RAB11FIP4: variants seen among roughly 807,000 people sequenced by gnomAD.
RAB11FIP4 encodes RAB11 family interacting protein 4, also known as rab11 family-interacting protein 4.
Under a neutral mutation model 74.3 loss-of-function variants are expected in RAB11FIP4, and 23 were observed. The observed-to-expected ratio is 0.31, with a 90% CI of 0.22 to 0.44. RAB11FIP4 has a LOEUF of 0.44. RAB11FIP4 is among the 20% of genes least tolerant of loss of function. The pLI is 1.00. For synonymous variants in RAB11FIP4, 360 were observed against 359.9 expected (o/e 1.00, Z 0.00); for missense variants, 630 against 863.9 (o/e 0.73, Z 3.39).
chr17:31,457,814 C>T (rs2071593384), intron 3 of RAB11FIP4, among the ~76,000 whole-genome samples: 1 of 152,034 alleles, frequency 6.6e-6, no homozygotes, highest in Non-Finnish European at 1.5e-5. Flanking sequence ...GCATGTGTGC[C>T]TCCCTCTCCG....
rs534128419 is a variant in RAB11FIP4, at chr17:31,406,576, G to C, written c.159+14565G>C. On this transcript the variant is annotated intron_variant, in intron 1 of 14. Transcript: ENST00000621161. Reference sequence around the variant, plus strand: ...ATTTGTTTCTGCCAGTTTGATAGGTGTGTAATGGTATTTCACATCTTGTTT... The same window carrying C: ...ATTTGTTTCTGCCAGTTTGATAGGTCTGTAATGGTATTTCACATCTTGTTT... Among the ~76,000 whole-genome samples, 4 of 152,346 alleles carry C rather than the reference G, an allele frequency of 2.6e-5. No homozygotes were observed. The South Asian group carries it at 8.3e-4, about 32-fold the overall frequency.
intron 13 of RAB11FIP4, among the ~76,000 whole-genome samples, chr17:31,529,139 C>T (rs2142832091): frequency 6.8e-6 from 1 of 146,182 alleles, no homozygotes; most frequent in East Asian, 2.0e-4. Context: ...TGCTCTGATA[C>T]CCAGGCTGGA....
In RAB11FIP4 at chr17:31,536,767, G is replaced by A. The variant is rs2072971469; in HGVS notation, c.*5035G>A. On this transcript the variant is annotated 3_prime_UTR_variant, in exon 15 of 15. Coordinates refer to ENST00000621161, the MANE Select transcript of RAB11FIP4 (RefSeq NM_032932.6). ...CTGGAACCAGGAGCCTGCCCTACCT[G>A]CATGGCAGGACAACTCTGAGGCCCT... 2 of 383,614 alleles carry A rather than the reference G, an allele frequency of 5.2e-6. No individual in the cohort carries two copies. Among genetic ancestry groups the A allele is most frequent in the South Asian group, 1.5e-4 (1 of 6,882 alleles). The allele number at this position is 383,614 out of a possible 1,614,324, so 23.8% of individuals were successfully genotyped here.
In RAB11FIP4 at chr17:31,495,821, A is replaced by T. The variant is rs192434216; in HGVS notation, c.337-21830A>T. 1.2e-4 allele frequency among the ~76,000 whole-genome samples: 18 copies of T among 152,326 alleles called. No homozygotes were observed. The East Asian group carries it at 3.1e-3, about 26-fold the overall frequency. On this transcript the variant is annotated intron_variant, in intron 3 of 14. Coordinates refer to ENST00000621161, the MANE Select transcript of RAB11FIP4 (RefSeq NM_032932.6). The stretch of plus-strand genomic sequence containing the variant: ...ATTTTATAGCAGCAGGTGTGTGCTC[A>T]TGTGCTTGTGTGGAGTTGTTGACTG...
chr17:31,471,167 A>T (rs544190918), intron 3 of RAB11FIP4, among the ~76,000 whole-genome samples: 1 of 150,644 alleles, frequency 6.6e-6, no homozygotes, highest in South Asian at 2.1e-4. Flanking sequence ...ACCTCAAACG[A>T]TCCTTCCACC....
At chr17:31,490,950 ACT>A (rs1197547842) in intron 3 of RAB11FIP4, among the ~76,000 whole-genome samples, 15 of 152,056 alleles carry the variant, frequency 9.9e-5, no homozygotes, top group Non-Finnish European at 5.9e-5. Context: ...CTGGGGCTGG[ACT>A]CTGTCTTCCT....
chr17:31,394,938 C>CT, intron 1 of RAB11FIP4, among the ~76,000 whole-genome samples: 1 of 71,284 alleles, frequency 1.4e-5, no homozygotes, highest in South Asian at 5.8e-4. Context: ...TGGCGGGGGG[C>CT]GGGGGGGGGG....
chr17:31,468,221 TGTCTCCCTTCCTCGCTTC>T (rs1334619266), intron 3 of RAB11FIP4, among the ~76,000 whole-genome samples: 1 of 152,154 alleles, frequency 6.6e-6, no homozygotes, highest in African/African-American at 2.4e-5. Context: ...TCAGAGCCTC[TGTCTCCCTTCCTCGCTTC>T]GTCTCCCTTC....
At chr17:31,396,317 A>G (rs1255982377) in intron 1 of RAB11FIP4, among the ~76,000 whole-genome samples, 2 of 152,150 alleles carry the variant, frequency 1.3e-5, no homozygotes, top group African/African-American at 2.4e-5. Flanking sequence ...ATGTAACATG[A>G]TGGCTCAACA....
chr17:31,415,828 G>A (rs551127042), intron 1 of RAB11FIP4, among the ~76,000 whole-genome samples: 16 of 152,128 alleles, frequency 1.1e-4, no homozygotes, highest in Non-Finnish European at 2.1e-4. Context: ...GGTCTCCGCA[G>A]CCTCCCAGCT....
At chr17:31,505,622 T>TAATA (rs60553516) in intron 3 of RAB11FIP4, among the ~76,000 whole-genome samples, 10 of 88,970 alleles carry the variant, frequency 1.1e-4, no homozygotes, top group East Asian at 9.7e-4. Context: ...ATATATAATA[T>TAATA]ATAATTATAT....
In RAB11FIP4 at chr17:31,523,507, T is replaced by C. The variant is rs2072706898; in HGVS notation, c.930-5T>C. 6.2e-7 allele frequency: 1 copy of C among 1,613,524 alleles called. No individual in the cohort carries two copies. Among genetic ancestry groups the C allele is most frequent in the South Asian group, 1.1e-5 (1 of 91,076 alleles). ...CAGCCAGACACCCTCCTCCCACCCC[T>C]GCAGGCAGCTCATGCACAGCAGCAA... On this transcript the variant is annotated splice_polypyrimidine_tract_variant and splice_region_variant and intron_variant, in intron 7 of 14. Transcript: ENST00000621161.
At position 31,517,642 on chromosome 17, in the gene RAB11FIP4, C is replaced by G; in HGVS notation, c.337-9C>G. 1 of 1,593,126 alleles carries G rather than the reference C, an allele frequency of 6.3e-7. No homozygotes were observed. Among genetic ancestry groups the G allele is most frequent in the South Asian group, 1.1e-5 (1 of 87,058 alleles). On this transcript the variant is annotated splice_polypyrimidine_tract_variant and intron_variant, in intron 3 of 14. Transcript: ENST00000621161. Reference sequence around the variant, plus strand: ...CTCACTTATCTTGTCTCTGCTCTCTCTTTCCCAGGGCAGCGAGGTCACAGG... The same window carrying G: ...CTCACTTATCTTGTCTCTGCTCTCTGTTTCCCAGGGCAGCGAGGTCACAGG...
rs954348838 is a variant in RAB11FIP4 at position 31,402,806 on chromosome 17, T to C, written c.159+10795T>C. Among the ~76,000 whole-genome samples the C allele has an allele frequency of 5.3e-5, 8 of 151,700 alleles. No homozygotes were observed. In the South Asian group the frequency reaches 6.3e-4, roughly 12 times the overall value. On this transcript the variant is annotated intron_variant, in intron 1 of 14. Coordinates refer to ENST00000621161, the MANE Select transcript of RAB11FIP4 (RefSeq NM_032932.6). Reference sequence around the variant, plus strand: ...CTGGCTAATTTTTTTTTTGTATTTTTAGTAGAGACGGGGTTTCACCGTGTT... The same window carrying C: ...CTGGCTAATTTTTTTTTTGTATTTTCAGTAGAGACGGGGTTTCACCGTGTT...
intron 3 of RAB11FIP4, among the ~76,000 whole-genome samples, chr17:31,476,973 T>C (rs899549049): frequency 3.9e-5 from 6 of 152,232 alleles, no homozygotes; most frequent in Non-Finnish European, 7.3e-5. Context: ...CTCCTGTTTA[T>C]TCAGGGGATA....
At chr17:31,427,875 G>A (rs749336816) in intron 1 of RAB11FIP4, among the ~76,000 whole-genome samples, 1 of 152,194 alleles carries the variant, frequency 6.6e-6, no homozygotes, top group East Asian at 1.9e-4. Flanking sequence ...CAGAAGCCAC[G>A]TCATTGCCTG....
intron 7 of RAB11FIP4, chr17:31,523,014 A>G (rs547641649): frequency 5.1e-6 from 1 of 195,536 alleles, no homozygotes; most frequent in South Asian, 1.1e-4. Flanking sequence ...GTCCCACCCC[A>G]GCTCACTGCT....
intron 1 of RAB11FIP4, among the ~76,000 whole-genome samples, chr17:31,419,585 C>G (rs2151623016): frequency 6.8e-6 from 1 of 147,464 alleles, no homozygotes; most frequent in East Asian, 2.0e-4. Flanking sequence ...GAGTCTCACT[C>G]TGTCGCCCAG....
At chr17:31,430,030 A>G (rs2071291784) in intron 1 of RAB11FIP4, among the ~76,000 whole-genome samples, 1 of 152,150 alleles carries the variant, frequency 6.6e-6, no homozygotes, top group Non-Finnish European at 1.5e-5. Flanking sequence ...ATAGGATGCT[A>G]CAAGACAGGA....
Sources: gnomAD v4.1 joint callset for allele counts (sites outside exome capture counted in the v4.1 genomes callset) on GRCh38, gnomAD v4.1.1 for gene constraint, MANE v1.5 for transcripts, NCBI Gene and HGNC (gene_info 2026-07-23, HGNC 2026-07-21) for gene names.